The following EYS variants were observed in gnomAD, a reference collection of about 807,000 sequenced individuals.
EYS encodes the protein EGF-like photoreceptor maintenance factor, also known as protein eyes shut homolog.
In EYS, 250 loss-of-function variants were observed where a neutral mutation model predicts 282.1. That is an observed-to-expected ratio of 0.89 (90% confidence interval 0.80 to 0.98). The LOEUF (loss-of-function observed/expected upper bound fraction) is 0.98, where lower values mean the gene tolerates loss of function less well. Ranked by LOEUF, EYS falls within the 50% of genes least tolerant of loss-of-function variation. The probability of loss-of-function intolerance (pLI) is 0.00; values close to 1 mark genes in which losing one functional copy is unlikely to be tolerated. For missense variants in EYS, 4,016 were observed against 3,709.0 expected (o/e 1.08, Z -2.15); for synonymous variants, 1,355 against 1,282.9 (o/e 1.06, Z -1.20).
At chr6:65,025,640 G>A (rs1400849905) in intron 13 of EYS, among the ~76,000 whole-genome samples, 1 of 152,158 alleles carries the variant, frequency 6.6e-6, no homozygotes, top group Non-Finnish European at 1.5e-5. Flanking sequence ...TTTGAACCCA[G>A]GAGGGAGAGG....
At chr6:63,956,380 C>A (rs189552155) in intron 35 of EYS, among the ~76,000 whole-genome samples, 1 of 152,092 alleles carries the variant, frequency 6.6e-6, no homozygotes, top group East Asian at 1.9e-4. Flanking sequence ...CATTACCAAC[C>A]CAAATCCTGT....
intron 35 of EYS, among the ~76,000 whole-genome samples, chr6:63,885,143 A>C (rs2149720998): frequency 6.6e-6 from 1 of 152,324 alleles, no homozygotes; most frequent in African/African-American, 2.4e-5. Flanking sequence ...ATGGCAATTA[A>C]GCTTTTCATG....
chr6:64,692,115 T>C (rs1375458365), intron 22 of EYS, among the ~76,000 whole-genome samples: 1 of 152,144 alleles, frequency 6.6e-6, no homozygotes, highest in Non-Finnish European at 1.5e-5. Flanking sequence ...TATATTCTCA[T>C]CACCAGTAAA....
intron 22 of EYS, among the ~76,000 whole-genome samples, chr6:64,642,455 C>A (rs1403934938): frequency 6.6e-6 from 1 of 152,162 alleles, no homozygotes; most frequent in Non-Finnish European, 1.5e-5. Flanking sequence ...TCGATATATT[C>A]TTTTCTTCCC....
intron 1 of EYS, among the ~76,000 whole-genome samples, chr6:65,650,930 A>C (rs1344205673): frequency 6.6e-6 from 1 of 152,164 alleles, no homozygotes; most frequent in African/African-American, 2.4e-5. Context: ...ACACCATAAC[A>C]GGGATTATTT....
At chr6:65,396,817 C>T (rs1462741227) in intron 7 of EYS, among the ~76,000 whole-genome samples, 1 of 151,916 alleles carries the variant, frequency 6.6e-6, no homozygotes, top group Non-Finnish European at 1.5e-5. Flanking sequence ...CCAAATGATT[C>T]AACAACCACA....
chr6:64,620,401 G>A (rs1767408083), intron 23 of EYS, among the ~76,000 whole-genome samples: 1 of 152,120 alleles, frequency 6.6e-6, no homozygotes, highest in African/African-American at 2.4e-5. Context: ...AGAAGAATCT[G>A]CTAAGACACC....
At chr6:65,240,158 CG>C (rs766794745) in intron 12 of EYS, among the ~76,000 whole-genome samples, 15 of 151,874 alleles carry the variant, frequency 9.9e-5, no homozygotes, top group Non-Finnish European at 2.2e-4. Flanking sequence ...TTAGTAGAGA[CG>C]GGGTTTCACC....
intron 31 of EYS, among the ~76,000 whole-genome samples, chr6:64,128,547 G>A (rs115436965): frequency 0.014 from 2,112 of 152,166 alleles, 43 homozygotes; most frequent in African/African-American, 0.048. Context: ...CTAAGCAACA[G>A]ACAGAAATGT....
chr6:63,961,395 C>T (rs963208249), intron 35 of EYS, among the ~76,000 whole-genome samples: 13 of 151,756 alleles, frequency 8.6e-5, no homozygotes, highest in African/African-American at 2.9e-4. Flanking sequence ...CTTCTCCTGG[C>T]TCAGAAGCTC....
At chr6:65,358,436 C>A (rs1764576099) in intron 8 of EYS, among the ~76,000 whole-genome samples, 1 of 151,920 alleles carries the variant, frequency 6.6e-6, no homozygotes, top group South Asian at 2.1e-4. Flanking sequence ...AGTCTTATGT[C>A]TACTGAACTA....
At chr6:64,118,680 C>G (rs1174766910) in intron 31 of EYS, among the ~76,000 whole-genome samples, 1 of 151,954 alleles carries the variant, frequency 6.6e-6, no homozygotes, top group East Asian at 1.9e-4. Flanking sequence ...CAAAAATAGA[C>G]AAATAGGATT....
chr6:65,031,585 A>G (rs975793037), intron 13 of EYS, among the ~76,000 whole-genome samples: 4 of 152,156 alleles, frequency 2.6e-5, no homozygotes, highest in Non-Finnish European at 5.9e-5. Flanking sequence ...ATCTCTCAAA[A>G]CCATACAATT....
intron 31 of EYS, among the ~76,000 whole-genome samples, chr6:64,195,020 T>C (rs1266056398): frequency 6.6e-6 from 1 of 152,100 alleles, no homozygotes; most frequent in Non-Finnish European, 1.5e-5. Flanking sequence ...CTATTATTTT[T>C]ATATATTTTA....
chr6:64,187,561 G>A (rs758438677), intron 31 of EYS, among the ~76,000 whole-genome samples: 3 of 151,918 alleles, frequency 2.0e-5, no homozygotes, highest in Non-Finnish European at 4.4e-5. Flanking sequence ...TTTTAGCAGA[G>A]GTTTATATTA....
intron 35 of EYS, among the ~76,000 whole-genome samples, chr6:63,938,889 T>A (rs1260301730): frequency 6.6e-6 from 1 of 152,180 alleles, no homozygotes; most frequent in East Asian, 1.9e-4. Context: ...TGTTTTATCA[T>A]GGGTCAGGAG....
chr6:65,223,092 AC>A (rs1766513958), intron 12 of EYS, among the ~76,000 whole-genome samples: 1 of 152,134 alleles, frequency 6.6e-6, no homozygotes, highest in Non-Finnish European at 1.5e-5. Context: ...GTCAGAATCA[AC>A]TGTTTTAAAG....
intron 28 of EYS, among the ~76,000 whole-genome samples, chr6:64,398,670 T>C (rs1773455847): frequency 1.3e-5 from 2 of 151,916 alleles, no homozygotes; most frequent in Non-Finnish European, 2.9e-5. Flanking sequence ...TATGCACCTT[T>C]TTTCTTCTTG....
chr6:64,074,810 AT>A (rs1771708820), intron 32 of EYS, among the ~76,000 whole-genome samples: 1 of 151,836 alleles, frequency 6.6e-6, no homozygotes, highest in Non-Finnish European at 1.5e-5. Flanking sequence ...GGTGTTTTGT[AT>A]TTTTCAAAAC....
Sources: allele counts gnomAD v4.1 joint callset (sites outside exome capture counted in the v4.1 genomes callset), GRCh38; gene constraint gnomAD v4.1.1; transcripts MANE v1.5; gene names NCBI Gene and HGNC (gene_info 2026-07-23, HGNC 2026-07-21).